MDGA2: variants seen among roughly 807,000 people sequenced by gnomAD.
MDGA2 encodes MAM domain containing glycosylphosphatidylinositol anchor 2.
In MDGA2, 40 loss-of-function variants were observed where a neutral mutation model predicts 117.8. The observed-to-expected ratio is 0.34, with a 90% CI of 0.26 to 0.44. The LOEUF (loss-of-function observed/expected upper bound fraction) is 0.44, where lower values mean the gene tolerates loss of function less well. MDGA2 is among the 20% of genes least tolerant of loss of function. MDGA2 has a pLI of 1.00. For synonymous variants in MDGA2, 452 were observed against 439.0 expected (o/e 1.03, Z -0.37); for missense variants, 1,123 against 1,250.6 (o/e 0.90, Z 1.54).
chr14:46,990,244 A>T (rs1887034626), intron 8 of MDGA2, among the ~76,000 whole-genome samples: 1 of 152,080 alleles, frequency 6.6e-6, no homozygotes, highest in African/African-American at 2.4e-5. Context: ...GCTATTACAA[A>T]GTTTCTATGG....
At chr14:47,002,784 A>G (rs941927570) in intron 8 of MDGA2, among the ~76,000 whole-genome samples, 9 of 152,108 alleles carry the variant, frequency 5.9e-5, no homozygotes, top group Non-Finnish European at 1.2e-4. Flanking sequence ...TAAATTAATG[A>G]TATTTTTAGA....
chr14:47,195,760 A>G (rs1234602872), intron 3 of MDGA2, among the ~76,000 whole-genome samples: 1 of 152,064 alleles, frequency 6.6e-6, no homozygotes, highest in South Asian at 2.1e-4. Flanking sequence ...TAGATTACAT[A>G]TTCCCTTCAA....
At chr14:47,059,247 G>A in intron 7 of MDGA2, 1 of 1,049,106 alleles carries the variant, frequency 9.5e-7, no homozygotes. Context: ...AATGAGTGAT[G>A]CAGACAAAGT....
chr14:47,589,525 G>C (rs1390332652), intron 1 of MDGA2, among the ~76,000 whole-genome samples: 1 of 151,904 alleles, frequency 6.6e-6, no homozygotes, highest in East Asian at 1.9e-4. Flanking sequence ...CTAATCCATT[G>C]ATCTATGCTA....
At chr14:47,280,391 CA>C in intron 2 of MDGA2, among the ~76,000 whole-genome samples, 1 of 134,260 alleles carries the variant, frequency 7.4e-6, no homozygotes, top group Middle Eastern at 4.7e-3. Context: ...AACAAAAAAG[CA>C]AGTTAATTCT....
intron 1 of MDGA2, among the ~76,000 whole-genome samples, chr14:47,614,479 T>C (rs1283419959): frequency 3.9e-5 from 6 of 152,182 alleles, no homozygotes; most frequent in Non-Finnish European, 8.8e-5. Context: ...CACCCAATAC[T>C]GGCCTTCCAT....
intron 1 of MDGA2, among the ~76,000 whole-genome samples, chr14:47,335,734 T>TATATATATATATATATATA (rs1555374518): frequency 5.4e-4 from 26 of 48,010 alleles, no homozygotes; most frequent in South Asian, 1.4e-3. Flanking sequence ...CACATATATT[T>TATATATATATATATATATA]TATATATATA....
At chr14:47,628,399 T>G (rs1362524151) in intron 1 of MDGA2, among the ~76,000 whole-genome samples, 2 of 152,246 alleles carry the variant, frequency 1.3e-5, no homozygotes, top group Non-Finnish European at 2.9e-5. Context: ...ACTCAAGGCC[T>G]GGCACAGTGA....
At chr14:47,167,253 G>A (rs2139303039) in intron 3 of MDGA2, among the ~76,000 whole-genome samples, 1 of 152,074 alleles carries the variant, frequency 6.6e-6, no homozygotes, top group African/African-American at 2.4e-5. Flanking sequence ...TCTCATTAAA[G>A]TTGAATAAGA....
At chr14:47,318,333 T>G (rs2139865478) in intron 1 of MDGA2, among the ~76,000 whole-genome samples, 1 of 152,290 alleles carries the variant, frequency 6.6e-6, no homozygotes, top group South Asian at 2.1e-4. Flanking sequence ...CTTTCTAACT[T>G]GCTCTGTTTA....
chr14:46,869,333 G>A (rs1453084278), intron 14 of MDGA2, among the ~76,000 whole-genome samples: 1 of 145,514 alleles, frequency 6.9e-6, no homozygotes, highest in Non-Finnish European at 1.5e-5. Context: ...GTCATATCTA[G>A]TGATCTCCTA....
At chr14:47,443,798 C>T (rs1893064519) in intron 1 of MDGA2, among the ~76,000 whole-genome samples, 2 of 152,118 alleles carry the variant, frequency 1.3e-5, no homozygotes, top group Admixed American at 6.6e-5. Flanking sequence ...AGGGAGGTCT[C>T]AGGTGAATGT....
intron 3 of MDGA2, among the ~76,000 whole-genome samples, chr14:47,192,580 T>C (rs1367524454): frequency 6.6e-6 from 1 of 151,664 alleles, no homozygotes; most frequent in Non-Finnish European, 1.5e-5. Flanking sequence ...GATCACCCCA[T>C]TGCACTCCAG....
intron 1 of MDGA2, among the ~76,000 whole-genome samples, chr14:47,595,996 A>G (rs1345931895): frequency 6.6e-6 from 1 of 152,220 alleles, no homozygotes; most frequent in Non-Finnish European, 1.5e-5. Context: ...AGAACACAGA[A>G]AACTAATCTA....
At chr14:47,114,842 T>C (rs1285373929) in intron 5 of MDGA2, among the ~76,000 whole-genome samples, 1 of 151,810 alleles carries the variant, frequency 6.6e-6, no homozygotes, top group Admixed American at 6.6e-5. Flanking sequence ...AGGCAATACC[T>C]TTTGGAACAT....
intron 1 of MDGA2, among the ~76,000 whole-genome samples, chr14:47,626,115 G>T (rs1897134089): frequency 6.6e-6 from 1 of 152,106 alleles, no homozygotes; most frequent in Non-Finnish European, 1.5e-5. Flanking sequence ...TGCCCTCTTG[G>T]GTGGTCTTAC....
chr14:47,576,018 A>G (rs747444578), intron 1 of MDGA2, among the ~76,000 whole-genome samples: 12 of 152,192 alleles, frequency 7.9e-5, no homozygotes, highest in Non-Finnish European at 1.2e-4. Flanking sequence ...TTACATAATT[A>G]CATCATGTTT....
chr14:47,086,104 T>G (rs1003354963), intron 6 of MDGA2, among the ~76,000 whole-genome samples: 5 of 129,846 alleles, frequency 3.9e-5, no homozygotes, highest in African/African-American at 7.8e-5. Flanking sequence ...GTTTTTTTTT[T>G]TTGTTTTTTG....
At chr14:47,387,404 A>T (rs1379522278) in intron 1 of MDGA2, among the ~76,000 whole-genome samples, 1 of 150,146 alleles carries the variant, frequency 6.7e-6, no homozygotes, top group Non-Finnish European at 1.5e-5. Context: ...CCTATCACGC[A>T]CTCGGATCTT....
Sources: gnomAD v4.1 joint callset for allele counts (sites outside exome capture counted in the v4.1 genomes callset) on GRCh38, gnomAD v4.1.1 for gene constraint, MANE v1.5 for transcripts, NCBI Gene and HGNC (gene_info 2026-07-23, HGNC 2026-07-21) for gene names.